VPS13B: variants seen among roughly 807,000 people sequenced by gnomAD.
VPS13B encodes the protein intermembrane lipid transfer protein VPS13B.
In VPS13B, 285 loss-of-function variants were observed where a neutral mutation model predicts 426.4. That is an observed-to-expected ratio of 0.67 (90% CI 0.61 to 0.74). The LOEUF (loss-of-function observed/expected upper bound fraction) is 0.74, where lower values mean the gene tolerates loss of function less well. Among genes scored for constraint, VPS13B ranks in the 30% least tolerant of loss-of-function variants. The probability of loss-of-function intolerance (pLI) is 0.00; values close to 1 mark genes in which losing one functional copy is unlikely to be tolerated. For synonymous variants in VPS13B, 1,676 were observed against 1,676.4 expected, an observed-to-expected ratio of 1.00 and a Z score of 0.01; for missense variants, 4,537 against 4,782.6, an observed-to-expected ratio of 0.95 and a Z score of 1.51.
intron 20 of VPS13B, among the ~76,000 whole-genome samples, chr8:99,385,186 C>T (rs975687815): frequency 6.6e-6 from 1 of 152,034 alleles, no homozygotes; most frequent in African/African-American, 2.4e-5. Flanking sequence ...TTATTATTTT[C>T]GTTTTAAAGA....
chr8:99,375,506 A>G (rs1235239006), intron 19 of VPS13B, among the ~76,000 whole-genome samples: 1 of 152,208 alleles, frequency 6.6e-6, no homozygotes, highest in Non-Finnish European at 1.5e-5. Flanking sequence ...TGTACCATAC[A>G]TACATAAGCT....
rs118061300 is a variant in VPS13B, at chr8:99,819,365, C to T, written c.8622-47C>T. 7.4e-3 allele frequency: 11,831 copies of T among 1,600,524 alleles called. 60 individuals are homozygous for T. Among genetic ancestry groups the T allele is most frequent in the Non-Finnish European group, 9.0e-3 (10,560 of 1,168,572 alleles). On this transcript the variant is annotated intron_variant, in intron 47 of 61. Transcript: ENST00000357162. ...ATATTTTTCAATAAATTATATACCA[C>T]TTTAGAAATCTGATAATTATTCTTG...
In VPS13B at chr8:99,121,530, G is replaced by C. The variant is rs772113738; in HGVS notation, c.1206+85G>C. 443 of 1,572,412 alleles carry C rather than the reference G, an allele frequency of 2.8e-4. 2 individuals carry two copies. The highest frequency in any genetic ancestry group is 8.4e-5 in the Non-Finnish European group (97 of 1,160,064). ...TTAGTACAATTCTAGCTTTATTCAA[G>C]TTTGCTTTGCATTCAGTAGATGTGA... is the stretch of plus-strand genomic sequence containing the variant. On this transcript the variant is annotated intron_variant, in intron 8 of 61. Coordinates refer to ENST00000357162, the MANE Select transcript of VPS13B (RefSeq NM_152564.5).
At chr8:99,177,068 G>C (rs940311879) in intron 16 of VPS13B, among the ~76,000 whole-genome samples, 29 of 152,048 alleles carry the variant, frequency 1.9e-4, no homozygotes, top group African/African-American at 6.8e-4. Flanking sequence ...CCCTATTCTG[G>C]AAAAAAATGC....
chr8:99,077,656 G>T (rs1391245284), intron 3 of VPS13B, among the ~76,000 whole-genome samples: 2 of 151,974 alleles, frequency 1.3e-5, no homozygotes, highest in Middle Eastern at 3.2e-3. Context: ...GCTATTTTTA[G>T]AATTCTCTCT....
chr8:99,671,071 A>G (rs1014015663), intron 35 of VPS13B, among the ~76,000 whole-genome samples: 1 of 152,190 alleles, frequency 6.6e-6, no homozygotes, highest in African/African-American at 2.4e-5. Flanking sequence ...ATTGTTTTCC[A>G]TAATGGCTGT....
chr8:99,772,458 G>A (rs532650117), intron 40 of VPS13B, among the ~76,000 whole-genome samples: 1 of 152,214 alleles, frequency 6.6e-6, no homozygotes, highest in African/African-American at 2.4e-5. Context: ...CAGGGGCTGT[G>A]GGGAGGGGAG....
In VPS13B at chr8:99,700,376, C is replaced by T. The variant is rs984940537; in HGVS notation, c.6454+444C>T. ...TAAATGCAAAACTCTGGGCATGGAGCCCAGCAATCTGTGCTTCAACAAGCC... is the reference window on the plus strand; with the variant it reads ...TAAATGCAAAACTCTGGGCATGGAGTCCAGCAATCTGTGCTTCAACAAGCC... On this transcript the variant is annotated intron_variant, in intron 36 of 61. Transcript: ENST00000357162. 5.3e-5 allele frequency among the ~76,000 whole-genome samples: 8 copies of T among 152,336 alleles called. No individual in the cohort carries two copies. In the South Asian group the frequency reaches 1.7e-3, roughly 32 times the overall value.
intron 16 of VPS13B, among the ~76,000 whole-genome samples, chr8:99,182,167 C>T (rs907569798): frequency 6.6e-6 from 1 of 152,122 alleles, no homozygotes; most frequent in Non-Finnish European, 1.5e-5. Flanking sequence ...AAATACCACT[C>T]ATCAATAAAA....
At chr8:99,455,533 A>G (rs1818408986) in intron 23 of VPS13B, among the ~76,000 whole-genome samples, 2 of 152,218 alleles carry the variant, frequency 1.3e-5, no homozygotes, top group African/African-American at 4.8e-5. Flanking sequence ...ATAATGTAAC[A>G]TTAAATTTAT....
intron 55 of VPS13B, among the ~76,000 whole-genome samples, chr8:99,853,164 C>G: frequency 6.6e-6 from 1 of 152,058 alleles, no homozygotes; most frequent in South Asian, 2.1e-4. Flanking sequence ...AATTAGTACA[C>G]AAAGACTAGA....
rs1378838856 is a variant in VPS13B, at chr8:99,661,375, A to C, written c.5930A>C (p.Glu1977Ala). 1 of 1,613,738 alleles carries C rather than the reference A, an allele frequency of 6.2e-7. No individual in the cohort carries two copies. Among genetic ancestry groups the C allele is most frequent in the East Asian group, 2.2e-5 (1 of 44,840 alleles). Residue 1977 changes from glutamate (E) to alanine (A), a missense_variant, in exon 35 of 62, where the codon GAA (glutamate) becomes GCA (alanine). This residue lies in a region of VPS13B where 4,311 missense variants were observed against 4,474.3 expected (regional missense o/e 0.96). Coordinates refer to ENST00000357162, the MANE Select transcript of VPS13B (RefSeq NM_152564.5). Reference sequence around the variant, plus strand: ...TTAGATCCTGGGAAGACTCTGCCTGAAGCCCTTGATTATTGCACTGTTTGG... The same window carrying C: ...TTAGATCCTGGGAAGACTCTGCCTGCAGCCCTTGATTATTGCACTGTTTGG... The part of the protein sequence containing the change: ...KCIDPGKTLP[E>A]ALDYCTVWLQ...
chr8:99,623,464 T>TTTG (rs974975797), intron 33 of VPS13B, among the ~76,000 whole-genome samples: 3 of 152,184 alleles, frequency 2.0e-5, no homozygotes, highest in Non-Finnish European at 2.9e-5. Flanking sequence ...GGAGAGTTTT[T>TTTG]TTGTTGTTGT....
chr8:99,558,744 C>A (rs561657938), intron 31 of VPS13B, among the ~76,000 whole-genome samples: 6 of 152,218 alleles, frequency 3.9e-5, no homozygotes, highest in South Asian at 2.1e-4. Context: ...TGAACTCATC[C>A]TTTTTTATGG....
intron 33 of VPS13B, among the ~76,000 whole-genome samples, chr8:99,579,717 T>TTTC (rs1825959427): frequency 7.7e-6 from 1 of 130,082 alleles, no homozygotes; most frequent in Admixed American, 8.8e-5. Flanking sequence ...TTCTTTCTTT[T>TTTC]TTTTTTAACA....
At chr8:99,836,091 G>A (rs1815377559) in intron 54 of VPS13B, among the ~76,000 whole-genome samples, 1 of 152,098 alleles carries the variant, frequency 6.6e-6, no homozygotes, top group Non-Finnish European at 1.5e-5. Flanking sequence ...CCTCTTTTGT[G>A]TGTTATTAGG....
At chr8:99,779,570 A>G (rs908555852) in intron 42 of VPS13B, among the ~76,000 whole-genome samples, 5 of 152,206 alleles carry the variant, frequency 3.3e-5, no homozygotes, top group African/African-American at 1.2e-4. Context: ...TTTTAAATCA[A>G]TTAGAGAGCC....
chr8:99,842,213 C>A (rs766932686), intron 54 of VPS13B, among the ~76,000 whole-genome samples: 3 of 152,170 alleles, frequency 2.0e-5, no homozygotes, highest in Non-Finnish European at 4.4e-5. Context: ...CCAAAGTCAG[C>A]TGCACAAATA....
chr8:99,501,974 T>TGTC lies in VPS13B; in HGVS notation c.4042+116_4042+117insGTC, dbSNP rs751667230. 0.032 allele frequency: 38,859 copies of TGTC among 1,209,346 alleles called. 748 individuals are homozygous for TGTC. The highest frequency in any genetic ancestry group is 0.044 in the East Asian group (1,697 of 38,908). 74.9% of individuals were successfully genotyped at this position (1,209,346 alleles called of 1,614,324 possible). Reference sequence around the variant, plus strand: ...CTGTCTGTCTGTCTGTCTGTCTGTCTTTCCGTCTGTCTGTCTGTCTTTCCT... The same window carrying TGTC: ...CTGTCTGTCTGTCTGTCTGTCTGTCTGTCTTCCGTCTGTCTGTCTGTCTTTCCT... On this transcript the variant is annotated intron_variant, in intron 26 of 61. Transcript: ENST00000357162.
Sources: gnomAD v4.1 joint callset for allele counts (sites outside exome capture counted in the v4.1 genomes callset) on GRCh38, gnomAD v4.1.1 for gene constraint, gnomAD v4.1.1 regional missense constraint, MANE v1.5 for transcripts, NCBI Gene and HGNC (gene_info 2026-07-23, HGNC 2026-07-21) for gene names.